Variants in LRP2 observed in about 807,000 individuals in gnomAD.
LRP2 encodes the protein LDL receptor related protein 2.
A neutral mutation model predicts 531.0 loss-of-function variants in LRP2; 172 were observed. That is an observed-to-expected ratio of 0.32 (90% confidence interval 0.29 to 0.37). The LOEUF (loss-of-function observed/expected upper bound fraction) is 0.37, where lower values mean the gene tolerates loss of function less well. LRP2 is among the 10% of genes least tolerant of loss of function. The pLI is 1.00. For missense variants in LRP2, 5,167 were observed against 5,868.3 expected, an observed-to-expected ratio of 0.88 and a Z score of 3.90; for synonymous variants, 1,992 against 2,027.6, an observed-to-expected ratio of 0.98 and a Z score of 0.47.
chr2:169,135,658 T>G (rs575900744), intron 76 of LRP2, among the ~76,000 whole-genome samples: 1 of 152,308 alleles, frequency 6.6e-6, no homozygotes, highest in African/African-American at 2.4e-5. Flanking sequence ...TAAAAAGGAC[T>G]GGACAATACT....
intron 52 of LRP2, 65 bp from the exon 53 acceptor site, chr2:169,178,091 A>T (rs1687276228): frequency 8.5e-7 from 1 of 1,181,092 alleles, no homozygotes; most frequent in Non-Finnish European, 1.2e-6. Context: ...GTCTTGCAGG[A>T]TAAAAGAATT....
At chr2:169,178,072 T>C in intron 52 of LRP2, 46 bp from the exon 53 acceptor site, 2 of 1,317,176 alleles carry the variant, frequency 1.5e-6, no homozygotes, top group Non-Finnish European at 2.2e-6. Context: ...GTAATTCCTC[T>C]CCTCTAATGT....
At chr2:169,147,490 G>A (rs529566683) in intron 68 of LRP2, among the ~76,000 whole-genome samples, 2 of 152,098 alleles carry the variant, frequency 1.3e-5, no homozygotes, top group South Asian at 2.1e-4. Context: ...AGTTTTTTGT[G>A]TTTTTAGTAG....
intron 45 of LRP2, among the ~76,000 whole-genome samples, chr2:169,198,273 G>A (rs1205131316): frequency 6.6e-6 from 1 of 152,080 alleles, no homozygotes; most frequent in East Asian, 1.9e-4. Flanking sequence ...AATTAGCTGG[G>A]CATGGTGTCA....
chr2:169,146,915 G>A lies in LRP2; in HGVS notation c.12635C>T (p.Ser4212Phe). The change falls in exon 69 of 79, where the codon TCT (serine) becomes TTT (phenylalanine). Residue 4212 changes from serine (S) to phenylalanine (F), a missense_variant. This residue lies in a region of LRP2 where 564 missense variants were observed against 747.7 expected (regional missense o/e 0.75). Coordinates refer to ENST00000649046, the MANE Select transcript of LRP2 (RefSeq NM_004525.3). ...GCGGTCCTCTCCATTCATCCAGGCAGACTCGATTTTAGGTTCCTTTCCCCA... is the reference window on the plus strand; with the variant it reads ...GCGGTCCTCTCCATTCATCCAGGCAAACTCGATTTTAGGTTCCTTTCCCCA... ...TDWGKEPKIE[S>F]AWMNGEDRNI... The A allele has an allele frequency of 6.2e-7, 1 of 1,614,012 alleles. No homozygotes were observed. Among genetic ancestry groups the A allele is most frequent in the African/African-American group, 1.3e-5 (1 of 74,998 alleles).
At position 169,284,256 on chromosome 2, in the gene LRP2, C is replaced by CTCTTTTTTTTTTTTT. The variant is rs1553508684; in HGVS notation, c.1043-1256_1043-1255insAAAAAAAAAAAAAGA. 4.7e-4 allele frequency among the ~76,000 whole-genome samples: 45 copies of CTCTTTTTTTTTTTTT among 96,666 alleles called. 8 individuals carry two copies. The highest frequency in any genetic ancestry group is 6.8e-4 in the Non-Finnish European group (35 of 51,786). 63.4% of individuals were successfully genotyped at this position (96,666 alleles called of 152,430 possible). On this transcript the variant is annotated intron_variant, in intron 9 of 78. Coordinates refer to ENST00000649046, the MANE Select transcript of LRP2 (RefSeq NM_004525.3). ...CTTTTCTTTTCTTTTTCTTTTTTTT[C>CTCTTTTTTTTTTTTT]TTTTTTTTTTTTTTTTTTTTTTTTT...
intron 45 of LRP2, 55 bp from the exon 46 acceptor site, chr2:169,197,085 C>A (rs895316926): frequency 1.8e-4 from 285 of 1,602,354 alleles, no homozygotes; most frequent in Middle Eastern, 1.0e-3. Flanking sequence ...ATGTTCCCAT[C>A]AGTCTTAACA....
chr2:169,275,863 C>T (rs1683538877), intron 13 of LRP2, among the ~76,000 whole-genome samples: 1 of 151,950 alleles, frequency 6.6e-6, no homozygotes, highest in African/African-American at 2.4e-5. Flanking sequence ...GGGAAGAAAA[C>T]AGAAGTAAAA....
intron 6 of LRP2, among the ~76,000 whole-genome samples, chr2:169,293,588 C>G (rs1684057661): frequency 6.6e-6 from 1 of 152,126 alleles, no homozygotes; most frequent in Non-Finnish European, 1.5e-5. Flanking sequence ...AGCAGGAGAA[C>G]TGCTTGAACC....
At chr2:169,179,448 C>T (rs987504383) in intron 52 of LRP2, among the ~76,000 whole-genome samples, 11 of 152,128 alleles carry the variant, frequency 7.2e-5, no homozygotes, top group Non-Finnish European at 1.5e-4. Flanking sequence ...CAGCTGGGTG[C>T]AGTGGCTCAC....
At chr2:169,180,007 T>C (rs1420417991) in intron 52 of LRP2, among the ~76,000 whole-genome samples, 1 of 152,138 alleles carries the variant, frequency 6.6e-6, no homozygotes, top group Admixed American at 6.5e-5. Flanking sequence ...TCTACGTAAA[T>C]AATCTATATT....
At chr2:169,283,059 T>A (rs915415220) in intron 9 of LRP2, 58 bp from the exon 10 acceptor site, 10 of 1,589,100 alleles carry the variant, frequency 6.3e-6, no homozygotes, top group East Asian at 2.2e-5. Flanking sequence ...TTAAGCACTC[T>A]CTGACAAAAA....
chr2:169,138,810 A>G (rs2105336899), intron 74 of LRP2, 104 bp from the exon 75 acceptor site: 1 of 1,303,192 alleles, frequency 7.7e-7, no homozygotes, highest in Non-Finnish European at 1.1e-6. Context: ...ACATTGCCAA[A>G]TCTTCCTCAA....
intron 3 of LRP2, among the ~76,000 whole-genome samples, chr2:169,307,772 G>T (rs1390232668): frequency 6.6e-6 from 1 of 152,108 alleles, no homozygotes; most frequent in Non-Finnish European, 1.5e-5. Flanking sequence ...ATATACCAAA[G>T]CTTTAATAGC....
chr2:169,158,861 A>C (rs1006470584), intron 63 of LRP2, among the ~76,000 whole-genome samples: 42 of 152,038 alleles, frequency 2.8e-4, no homozygotes, highest in African/African-American at 6.0e-4. Flanking sequence ...AAAAAACAAA[A>C]AAAACACAGT....
intron 10 of LRP2, 134 bp from the exon 11 acceptor site, chr2:169,280,653 C>T (rs186553143): frequency 1.1e-6 from 1 of 892,320 alleles, no homozygotes; most frequent in Non-Finnish European, 1.8e-6. Flanking sequence ...ACATAAACCT[C>T]TGAGGCAGAC....
At chr2:169,150,456 CAT>C (rs1482576546) in intron 68 of LRP2, among the ~76,000 whole-genome samples, 1 of 152,024 alleles carries the variant, frequency 6.6e-6, no homozygotes, top group Non-Finnish European at 1.5e-5. Context: ...TATATTTATA[CAT>C]GTGTCATTTT....
chr2:169,205,912 G>T, intron 40 of LRP2, 111 bp downstream of exon 40: 1 of 1,384,792 alleles, frequency 7.2e-7, no homozygotes, highest in Non-Finnish European at 1.0e-6. Context: ...TGAATCTGTA[G>T]CCATAGTTTT....
In LRP2 at chr2:169,322,249, T is replaced by C. The variant is rs548280565; in HGVS notation, c.80-1365A>G. On this transcript the variant is annotated intron_variant, in intron 1 of 78. Transcript: ENST00000649046. ...TGTAAATGCAGGCATATCAACAGCA[T>C]GACATAAACATAGTTAAGTGATCTA... 1.7e-4 allele frequency among the ~76,000 whole-genome samples: 26 copies of C among 152,362 alleles called. No homozygotes were observed. In the South Asian group the frequency reaches 5.4e-3, roughly 32 times the overall value.
Sources: allele counts gnomAD v4.1 joint callset (sites outside exome capture counted in the v4.1 genomes callset), GRCh38; gene constraint gnomAD v4.1.1; regional missense constraint gnomAD v4.1.1; transcripts MANE v1.5; gene names NCBI Gene and HGNC (gene_info 2026-07-23, HGNC 2026-07-21).